The following SMIM35 variants were observed in gnomAD, a reference collection of about 807,000 sequenced individuals.
SMIM35 encodes small integral membrane protein 35, also known as TMPRSS4 antisense RNA 1 (non-protein coding).
intron 1 of SMIM35, among the ~76,000 whole-genome samples, chr11:118,064,066 A>G (rs1944431512): frequency 6.6e-6 from 1 of 152,160 alleles, no homozygotes; most frequent in African/African-American, 2.4e-5. Flanking sequence ...CTCATCAACC[A>G]TAGGATCTGT....
rs1326046825 is a variant in SMIM35, at chr11:118,003,875, G to A, written c.*2535C>T. ...GAAACTAGTATTCCACATGAAGGAT[G>A]AGGCAGGAGGCAGAGAAACAGGGTA... On this transcript the variant is annotated 3_prime_UTR_variant, in exon 5 of 5. Coordinates refer to ENST00000689828, the MANE Select transcript of SMIM35 (RefSeq NM_001394165.1). 6.6e-6 allele frequency: 1 copy of A among 152,260 alleles called. No homozygotes were observed. Among genetic ancestry groups the A allele is most frequent in the Non-Finnish European group, 1.5e-5 (1 of 68,074 alleles). 9.4% of individuals were successfully genotyped at this position (152,260 alleles called of 1,614,324 possible).
At chr11:118,077,135 G>C in intron 1 of SMIM35, 1 of 666,740 alleles carries the variant, frequency 1.5e-6, no homozygotes, top group South Asian at 2.1e-5. Context: ...GATGCTGGGC[G>C]TGAGGGACCA....
At chr11:118,033,825 G>T (rs145175212) in intron 1 of SMIM35, among the ~76,000 whole-genome samples, 280 of 152,294 alleles carry the variant, frequency 1.8e-3, no homozygotes, top group Middle Eastern at 0.01. Context: ...TTGGGTGCTT[G>T]TGCCAAACAG....
chr11:118,044,250 C>T (rs1247434303), intron 1 of SMIM35, among the ~76,000 whole-genome samples: 1 of 148,012 alleles, frequency 6.8e-6, no homozygotes, highest in East Asian at 2.0e-4. Context: ...CCTAATTGTA[C>T]TTATCTATCC....
chr11:118,040,804 G>A (rs528582586), intron 1 of SMIM35, among the ~76,000 whole-genome samples: 1 of 152,024 alleles, frequency 6.6e-6, no homozygotes, highest in South Asian at 2.1e-4. Context: ...TAATATTTTT[G>A]TTAATAATAG....
In SMIM35 at chr11:118,083,679, G is replaced by A. The variant is rs546484537; in HGVS notation, c.7+3072C>T. Among the ~76,000 whole-genome samples the A allele has an allele frequency of 1.2e-4, 18 of 152,238 alleles. No homozygotes were observed. The South Asian group carries it at 3.7e-3, about 32-fold the overall frequency. On this transcript the variant is annotated intron_variant, in intron 1 of 4. Transcript: ENST00000689828. ...AAAAGAGCTTTACCTCTGGTTCACT[G>A]CTAGGTCTCCAGGGCCCAGAAAGTT...
intron 1 of SMIM35, among the ~76,000 whole-genome samples, chr11:118,051,843 AATACTAATACTAATACTAATACT>A (rs1461372297): frequency 1.3e-5 from 2 of 151,842 alleles, no homozygotes; most frequent in Non-Finnish European, 1.5e-5. Context: ...TACTAATACT[AATACTAATACTAATACTAATACT>A]ATACTAATAC....
chr11:118,080,434 G>A lies in SMIM35; in HGVS notation c.7+6317C>T, dbSNP rs373381903. ...AGCTGCACCTGCCGAGGTGGAAGCT[G>A]CATCCCCAGGCCCTGTCCATCTCCC... On this transcript the variant is annotated intron_variant, in intron 1 of 4. Coordinates refer to ENST00000689828, the MANE Select transcript of SMIM35 (RefSeq NM_001394165.1). Among the ~76,000 whole-genome samples, 12 of 152,314 alleles carry A rather than the reference G, an allele frequency of 7.9e-5. No individual in the cohort carries two copies. The East Asian group carries it at 2.1e-3, about 27-fold the overall frequency.
intron 1 of SMIM35, among the ~76,000 whole-genome samples, chr11:118,084,011 C>T (rs955456520): frequency 1.3e-4 from 20 of 152,262 alleles, no homozygotes; most frequent in African/African-American, 4.8e-4. Context: ...GCACTCCAGC[C>T]TGGGCAACAG....
intron 1 of SMIM35, among the ~76,000 whole-genome samples, chr11:118,025,048 C>T (rs983389570): frequency 2.0e-5 from 3 of 152,118 alleles, no homozygotes; most frequent in Non-Finnish European, 2.9e-5. Flanking sequence ...TGTTAATCTA[C>T]GTAGGATAAT....
intron 1 of SMIM35, among the ~76,000 whole-genome samples, chr11:118,065,170 C>G (rs1407304599): frequency 6.6e-6 from 1 of 152,206 alleles, no homozygotes; most frequent in Admixed American, 6.5e-5. Flanking sequence ...ACCTGCCCTG[C>G]CCCACCTGCT....
intron 4 of SMIM35, among the ~76,000 whole-genome samples, chr11:118,007,211 G>A (rs2135008609): frequency 6.6e-6 from 1 of 152,158 alleles, no homozygotes; most frequent in African/African-American, 2.4e-5. Flanking sequence ...TTTGGACTGA[G>A]GCTAGAAGTG....
chr11:118,024,676 T>C (rs909421844), intron 1 of SMIM35, among the ~76,000 whole-genome samples: 3 of 152,164 alleles, frequency 2.0e-5, no homozygotes, highest in Non-Finnish European at 2.9e-5. Flanking sequence ...TTTCACCATG[T>C]TGACCAGGCT....
chr11:118,048,679 T>C (rs76902859), intron 1 of SMIM35, among the ~76,000 whole-genome samples: 2,307 of 150,948 alleles, frequency 0.015, 106 homozygotes, highest in East Asian at 0.098. Flanking sequence ...ATGATACAGC[T>C]GGCTCAGGAA....
chr11:118,022,380 A>G (rs1238353581), intron 1 of SMIM35, among the ~76,000 whole-genome samples: 1 of 152,224 alleles, frequency 6.6e-6, no homozygotes, highest in Non-Finnish European at 1.5e-5. Context: ...AAATCTCAAT[A>G]AATTTTTAAA....
At chr11:118,029,277 C>A (rs1050996066) in intron 1 of SMIM35, among the ~76,000 whole-genome samples, 2 of 152,126 alleles carry the variant, frequency 1.3e-5, no homozygotes, top group African/African-American at 4.8e-5. Context: ...GCCTGGCCAA[C>A]GAAACGCCGT....
chr11:118,045,330 GCACA>G (rs34102097), intron 1 of SMIM35, among the ~76,000 whole-genome samples: 4,214 of 146,102 alleles, frequency 0.029, 169 homozygotes, highest in Admixed American at 0.077. Flanking sequence ...ATACACACAT[GCACA>G]CACACACACA....
rs371528415 is a variant in SMIM35 at position 118,027,075 on chromosome 11, C to T, written c.8-11266G>A. On this transcript the variant is annotated intron_variant, in intron 1 of 4. Coordinates refer to ENST00000689828, the MANE Select transcript of SMIM35 (RefSeq NM_001394165.1). ...TCGCTCTGTCGCCCAGGCCGGACTG[C>T]GGACTGCAGTGGCGCAATCTCGGCT... 6.6e-3 allele frequency among the ~76,000 whole-genome samples: 853 copies of T among 129,454 alleles called. 19 individuals carry two copies. The highest frequency in any genetic ancestry group is 9.2e-3 in the Non-Finnish European group (591 of 64,382). 84.9% of individuals were successfully genotyped at this position (129,454 alleles called of 152,430 possible).
At chr11:118,034,268 A>C (rs755439753) in intron 1 of SMIM35, among the ~76,000 whole-genome samples, 4 of 152,044 alleles carry the variant, frequency 2.6e-5, no homozygotes, top group Non-Finnish European at 5.9e-5. Flanking sequence ...TAACAGTGAG[A>C]CTCCATCTCA....
Sources: allele counts gnomAD v4.1 joint callset (sites outside exome capture counted in the v4.1 genomes callset), GRCh38; gene constraint gnomAD v4.1.1; transcripts MANE v1.5; gene names NCBI Gene and HGNC (gene_info 2026-07-23, HGNC 2026-07-21).